TLE2: variants seen among roughly 807,000 people sequenced by gnomAD.
The protein encoded by TLE2 is TLE family member 2, transcriptional corepressor, also known as transducin-like enhancer protein 2.
In TLE2, 74 loss-of-function variants were observed where a neutral mutation model predicts 97.2. The observed-to-expected ratio is 0.76, with a 90% confidence interval of 0.63 to 0.92. TLE2 has a LOEUF of 0.92. Among genes scored for constraint, TLE2 ranks in the 40% least tolerant of loss-of-function variants. The probability of loss-of-function intolerance (pLI) is 0.00; values close to 1 mark genes in which losing one functional copy is unlikely to be tolerated. For synonymous variants in TLE2, 499 were observed against 432.1 expected (o/e 1.15, Z -1.92); for missense variants, 1,038 against 1,008.7 (o/e 1.03, Z -0.39).
At position 3,029,182 on chromosome 19, in the gene TLE2, G is replaced by A; in HGVS notation, c.-278C>T. On this transcript the variant is annotated 5_prime_UTR_variant, in exon 1 of 20. Coordinates refer to ENST00000262953, the MANE Select transcript of TLE2 (RefSeq NM_003260.5). ...GAGCGCGGCGAGGGCGGCCGCGGCA[G>A]CCGGCGCAGAAGGTCGGGCGCGCCG... The A allele has an allele frequency of 1.4e-6, 1 of 732,356 alleles. No individual in the cohort carries two copies. Among genetic ancestry groups the A allele is most frequent in the Non-Finnish European group, 1.7e-6 (1 of 601,352 alleles). 45.4% of individuals were successfully genotyped at this position (732,356 alleles called of 1,614,324 possible). A position where few individuals can be genotyped will look rare whatever the true frequency, so the allele number is the denominator to read the frequency against.
chr19:3,036,481 G>C (rs964043379), intron 1 of TLE2, among the ~76,000 whole-genome samples: 1 of 152,150 alleles, frequency 6.6e-6, no homozygotes, highest in Non-Finnish European at 1.5e-5. Flanking sequence ...TTTGGCTTCC[G>C]ACACCGCCAA....
intron 11 of TLE2, among the ~76,000 whole-genome samples, chr19:3,011,602 CA>C (rs1230722053): frequency 6.6e-6 from 1 of 151,750 alleles, no homozygotes; most frequent in Non-Finnish European, 1.5e-5. Flanking sequence ...GTAATCCCAC[CA>C]CTTTGGGAGG....
rs1265289021 is a variant in TLE2, at chr19:3,019,504, C to A, written c.370-41G>T. On this transcript the variant is annotated intron_variant, in intron 6 of 19. Transcript: ENST00000262953. This position sits in a 1 kb window ranked among gnomAD's most constrained non-coding sequence, Gnocchi z 5.1. The stretch of plus-strand genomic sequence containing the variant: ...CAGGATGGGCCGGGGCGGGGGGCGG[C>A]AGGAGCCCAGCGGTCCCCAGCCCAA... 2.0e-6 allele frequency: 3 copies of A among 1,484,746 alleles called. No individual in the cohort carries two copies. In the African/African-American group the frequency reaches 4.2e-5, roughly 21 times the overall value. 92.0% of individuals were successfully genotyped at this position (1,484,746 alleles called of 1,614,324 possible).
rs2089920564 is a variant in TLE2, at chr19:3,025,166, G to A, written c.232-84C>T. On this transcript the variant is annotated intron_variant, in intron 4 of 19. Coordinates refer to ENST00000262953, the MANE Select transcript of TLE2 (RefSeq NM_003260.5). ...GGACTCCCAGGCGGACCAGGTGTTG[G>A]CAAAGCCGAAGGGTTGGGGAGGTGA... 9 of 1,387,406 alleles carry A rather than the reference G, an allele frequency of 6.5e-6. No homozygotes were observed. In the South Asian group the frequency reaches 1.1e-4, roughly 17 times the overall value. 85.9% of individuals were successfully genotyped at this position (1,387,406 alleles called of 1,614,324 possible). A position where few individuals can be genotyped will look rare whatever the true frequency, so the allele number is the denominator to read the frequency against.
At chr19:3,035,894 A>C (rs1245548012) in intron 1 of TLE2, among the ~76,000 whole-genome samples, 1 of 150,936 alleles carries the variant, frequency 6.6e-6, no homozygotes, top group African/African-American at 2.4e-5. Flanking sequence ...AGGGGGGGCT[A>C]AGGCTCCATT....
At chr19:3,037,176 T>G (rs2090069165) in intron 1 of TLE2, among the ~76,000 whole-genome samples, 2 of 152,134 alleles carry the variant, frequency 1.3e-5, no homozygotes, top group African/African-American at 4.8e-5. Context: ...TCCCAGCTAC[T>G]CAGGAGACTG....
intron 13 of TLE2, among the ~76,000 whole-genome samples, chr19:3,009,222 T>G (rs11084990): frequency 0.2 from 31,012 of 152,096 alleles, 3,482 homozygotes; most frequent in Admixed American, 0.29. Flanking sequence ...TAGGCCAGGG[T>G]TCTGAAAACT....
chr19:3,007,303 T>G (rs1394748072), intron 14 of TLE2, among the ~76,000 whole-genome samples: 1 of 152,018 alleles, frequency 6.6e-6, no homozygotes, highest in African/African-American at 2.4e-5. Flanking sequence ...TTGCTCAGGC[T>G]GGTCTCAAAC....
Position 3,019,272 on chromosome 19 carries a change from T to C in TLE2, c.550+11A>G, listed in dbSNP as rs1401818819. The C allele has an allele frequency of 6.4e-7, 1 of 1,570,112 alleles. No homozygotes were observed. Among genetic ancestry groups the C allele is most frequent in the Non-Finnish European group, 8.6e-7 (1 of 1,166,364 alleles). Reference sequence around the variant, plus strand: ...CTCCCCAGCCAATGCCACCCCGTGCTGCCCACTCACCTCTGGACCCCTCGG... The same window carrying C: ...CTCCCCAGCCAATGCCACCCCGTGCCGCCCACTCACCTCTGGACCCCTCGG... On this transcript the variant is annotated intron_variant, in intron 7 of 19. Coordinates refer to ENST00000262953, the MANE Select transcript of TLE2 (RefSeq NM_003260.5). This position sits in a 1 kb window ranked among gnomAD's most constrained non-coding sequence, Gnocchi z 5.1.
intron 1 of TLE2, among the ~76,000 whole-genome samples, chr19:3,036,449 GCTCC>G (rs1272496975): frequency 6.6e-6 from 1 of 152,226 alleles, no homozygotes. Flanking sequence ...CGGGAAAGCG[GCTCC>G]CTCGGGGAGG....
At position 3,019,683 on chromosome 19, in the gene TLE2, G is replaced by C; in HGVS notation, c.369+16C>G. 6.2e-7 allele frequency: 1 copy of C among 1,603,670 alleles called. No homozygotes were observed. The highest frequency in any genetic ancestry group is 1.1e-5 in the South Asian group (1 of 89,490). ...GGGCGTCTCCCCATGGCGGGGCAGG[G>C]GCTAGAGAGACTCACCCCGATGAGG... On this transcript the variant is annotated intron_variant, in intron 6 of 19. Coordinates refer to ENST00000262953, the MANE Select transcript of TLE2 (RefSeq NM_003260.5). This position sits in a 1 kb window ranked among gnomAD's most constrained non-coding sequence, Gnocchi z 5.1.
chr19:3,006,113 CG>C (rs752135907), intron 15 of TLE2, 145 bp from the exon 16 acceptor site: 419 of 1,086,522 alleles, frequency 3.9e-4, no homozygotes, highest in Non-Finnish European at 3.8e-4. Context: ...TGGTGAGCCC[CG>C]CCCCTTTGAC....
In TLE2 at chr19:3,015,711, C is replaced by T; in HGVS notation, c.620G>A (p.Ser207Asn). The T allele has an allele frequency of 1.9e-6, 3 of 1,611,688 alleles. No individual in the cohort carries two copies. The highest frequency in any genetic ancestry group is 2.5e-6 in the Non-Finnish European group (3 of 1,179,402). Reference sequence around the variant, plus strand: ...CTGCTTCCCGCCACCACCAGGGCCACTCGGTCGCTCCTCCTCCACGAGACT... The same window carrying T: ...CTGCTTCCCGCCACCACCAGGGCCATTCGGTCGCTCCTCCTCCACGAGACT... ...PESLVEEERP[S>N]GPGGGGKQRA... Residue 207 changes from serine (S) to asparagine (N), a missense_variant, in exon 9 of 20, where the codon AGT becomes AAT. Transcript: ENST00000262953.
intron 1 of TLE2, among the ~76,000 whole-genome samples, chr19:3,044,300 G>T (rs1568257895): frequency 6.6e-6 from 1 of 152,078 alleles, no homozygotes; most frequent in Non-Finnish European, 1.5e-5. Flanking sequence ...TCGCACATCT[G>T]GGTGTGCCGC....
chr19:3,043,469 G>A (rs981926729), intron 1 of TLE2, among the ~76,000 whole-genome samples: 11 of 147,940 alleles, frequency 7.4e-5, no homozygotes, highest in African/African-American at 2.8e-4. Flanking sequence ...GAGCCACCGC[G>A]CCATGCCTGG....
At chr19:3,029,400 G>A, upstream of TLE2, 1 of 643,176 alleles carries the variant, frequency 1.6e-6, no homozygotes, top group South Asian at 6.9e-5. Flanking sequence ...CCGGCCCCCG[G>A]GCACCCGCCC....
At chr19:3,018,512 C>T (rs2089763829) in intron 7 of TLE2, among the ~76,000 whole-genome samples, 1 of 151,876 alleles carries the variant, frequency 6.6e-6, no homozygotes, top group South Asian at 2.1e-4. Context: ...AGGCTGGTCT[C>T]AAACTCCTGA....
At position 3,009,553 on chromosome 19, in the gene TLE2, G is replaced by A. The variant is rs775540880; in HGVS notation, c.1162C>T (p.Arg388Cys). The change falls in exon 13 of 20, where the codon CGC becomes TGC. Residue 388 changes from arginine to cysteine, a missense_variant. By Grantham distance (180) the Arg-to-Cys change is radical. Coordinates refer to ENST00000262953, the MANE Select transcript of TLE2 (RefSeq NM_003260.5). ...ACCCAAGGACTCACCACGGGGGAGC[G>A]TCCGTACACCACAGAGCTGCTGACC... Reference protein sequence around the residue: ...PQVSSSVVYGRSPVMAFESHP... With the variant: ...PQVSSSVVYGCSPVMAFESHP... 21 of 1,609,288 alleles carry A rather than the reference G, an allele frequency of 1.3e-5. No individual in the cohort carries two copies. The Admixed American group carries it at 1.3e-4, about 10-fold the overall frequency.
intron 19 of TLE2, among the ~76,000 whole-genome samples, chr19:3,000,108 G>A (rs980876112): frequency 1.3e-5 from 2 of 151,164 alleles, no homozygotes; most frequent in Non-Finnish European, 2.9e-5. Context: ...GCCTCACTCT[G>A]TCGCCCAGGC....
Sources: gnomAD v4.1 joint callset for allele counts (sites outside exome capture counted in the v4.1 genomes callset) on GRCh38, gnomAD v4.1.1 for gene constraint, Gnocchi (gnomAD v3.1) non-coding constraint, MANE v1.5 for transcripts, NCBI Gene and HGNC (gene_info 2026-07-23, HGNC 2026-07-21) for gene names.